The following LMNA variants were observed in gnomAD, a reference collection of about 807,000 sequenced individuals.
LMNA encodes the protein lamin A/C, also known as lamin.
A neutral mutation model predicts 70.4 loss-of-function variants in LMNA; 20 were observed. The observed-to-expected ratio is 0.28, with a 90% CI of 0.20 to 0.41. LMNA has a LOEUF of 0.41. LMNA is among the 10% of genes least tolerant of loss of function. The probability of loss-of-function intolerance (pLI) is 1.00; values close to 1 mark genes in which losing one functional copy is unlikely to be tolerated. For missense variants in LMNA, 652 were observed against 917.2 expected (o/e 0.71, Z 3.73); for synonymous variants, 339 against 372.8 (o/e 0.91, Z 1.04).
chr1:156,116,105 C>G (rs1470470046), intron 1 of LMNA, among the ~76,000 whole-genome samples: 1 of 152,230 alleles, frequency 6.6e-6, no homozygotes, highest in Admixed American at 6.5e-5. Flanking sequence ...TCTGGCCGCA[C>G]TCCTCCCTTG....
Position 156,115,046 on chromosome 1 carries a change from C to T in LMNA, c.128C>T (p.Ala43Val). 6.3e-7 allele frequency: 1 copy of T among 1,595,238 alleles called. No individual in the cohort carries two copies. The highest frequency in any genetic ancestry group is 8.5e-7 in the Non-Finnish European group (1 of 1,170,962). Residue 43 changes from alanine (A) to valine (V), a missense_variant, in exon 1 of 12, where the codon GCG becomes GTG. Ala to Val is a moderately conservative substitution (Grantham distance 64, BLOSUM62 0). Around this residue, in one of 4 missense-constraint regions of LMNA, gnomAD observed 254 missense variants for 421.9 expected, o/e 0.60. Transcript: ENST00000368300. The surrounding 1 kb of genome is among the most constrained non-coding windows in gnomAD (Gnocchi z 5.8). The stretch of plus-strand genomic sequence containing the variant: ...CTGCAGGAGCTCAATGATCGCTTGG[C>T]GGTCTACATCGACCGTGTGCGCTCG... ...EDLQELNDRL[A>V]VYIDRVRSLE...
upstream of LMNA, among the ~76,000 whole-genome samples, chr1:156,114,132 T>G (rs1445861221): frequency 1.3e-5 from 2 of 152,046 alleles, no homozygotes; most frequent in Non-Finnish European, 2.9e-5. Flanking sequence ...GTTCCAGAAC[T>G]TTGCTCCCCC....
chr1:156,099,209 C>A (rs1317154971), intron 3 of LMNA, among the ~76,000 whole-genome samples: 1 of 152,150 alleles, frequency 6.6e-6, no homozygotes, highest in Non-Finnish European at 1.5e-5. Flanking sequence ...CTAGGAGCTA[C>A]TAGCCTTCTA....
chr1:156,088,894 C>T (rs1648585747), intron 2 of LMNA, among the ~76,000 whole-genome samples: 1 of 152,162 alleles, frequency 6.6e-6, no homozygotes, highest in Admixed American at 6.5e-5. Context: ...CCTCATGATC[C>T]ACCTGCCTCA....
At chr1:156,122,645 G>A (rs1452061767) in intron 1 of LMNA, among the ~76,000 whole-genome samples, 1 of 152,244 alleles carries the variant, frequency 6.6e-6, no homozygotes, top group African/African-American at 2.4e-5. Flanking sequence ...CTGTGTCATA[G>A]AGTAGGAACG....
At chr1:156,104,280 G>C (rs1370754260) in intron 3 of LMNA, among the ~76,000 whole-genome samples, 2 of 152,150 alleles carry the variant, frequency 1.3e-5, no homozygotes, top group Non-Finnish European at 2.9e-5. Flanking sequence ...TGTTGGGGAG[G>C]AGCCTGGAAG....
At chr1:156,097,296 T>A (rs558577797) in intron 3 of LMNA, among the ~76,000 whole-genome samples, 1 of 152,128 alleles carries the variant, frequency 6.6e-6, no homozygotes, top group Admixed American at 6.5e-5. Flanking sequence ...GGCTGCAGAG[T>A]GACCTGGTGC....
In LMNA at chr1:156,138,667, C is replaced by T. The variant is rs756144792; in HGVS notation, c.1878C>T (p.Tyr626=). The change falls in exon 11 of 12, where the codon TAC becomes TAT. Residue 626 remains tyrosine (Y), a synonymous_variant. Coordinates refer to ENST00000368300, the MANE Select transcript of LMNA (RefSeq NM_170707.4). The surrounding 1 kb of genome is among the most constrained non-coding windows in gnomAD (Gnocchi z 5.5). ...SASSVTVTRS[Y]RSVGGSGGGS... ...CCAGTGTCACGGTCACTCGCAGCTA[C>T]CGCAGTGTGGGGGGCAGTGGGGGTG... 2 of 1,613,724 alleles carry T rather than the reference C, an allele frequency of 1.2e-6. No individual in the cohort carries two copies. Among genetic ancestry groups the T allele is most frequent in the South Asian group, 2.2e-5 (2 of 91,084 alleles).
chr1:156,084,933 G>A (rs1648423050), intron 2 of LMNA, among the ~76,000 whole-genome samples: 2 of 152,224 alleles, frequency 1.3e-5, no homozygotes, highest in South Asian at 4.1e-4. Context: ...AAACAAGTAT[G>A]TGTCAGTGGG....
chr1:156,102,239 G>A (rs1203821748), intron 3 of LMNA, among the ~76,000 whole-genome samples: 2 of 152,190 alleles, frequency 1.3e-5, no homozygotes, highest in Non-Finnish European at 2.9e-5. Context: ...AGTGAATTCA[G>A]GGGTGTTCCT....
chr1:156,102,606 C>G (rs1649182726), intron 3 of LMNA, among the ~76,000 whole-genome samples: 1 of 152,208 alleles, frequency 6.6e-6, no homozygotes, highest in Admixed American at 6.5e-5. Context: ...TCTGCCCTGG[C>G]CCACCCAGTG....
At chr1:156,089,573 G>A (rs1036971875) in intron 2 of LMNA, among the ~76,000 whole-genome samples, 5 of 148,932 alleles carry the variant, frequency 3.4e-5, no homozygotes, top group African/African-American at 7.4e-5. Flanking sequence ...AGCCTGGGCA[G>A]CAAGAGCCAA....
At chr1:156,131,187 C>T (rs1012902206) in intron 2 of LMNA, among the ~76,000 whole-genome samples, 2 of 152,134 alleles carry the variant, frequency 1.3e-5, no homozygotes, top group Non-Finnish European at 2.9e-5. Context: ...AGGAGAATGG[C>T]GTGAGCCTGC....
rs1293932578 is a variant in LMNA, at chr1:156,115,699, C to T, written c.356+425C>T. ...AAGGGTCCTGTTAGAACTTTGTTAG[C>T]GGGCTTGGCACTGTGCTAGCTTTGC... is the stretch of plus-strand genomic sequence containing the variant. On this transcript the variant is annotated intron_variant, in intron 1 of 11. Transcript: ENST00000368300. The surrounding 1 kb of genome is among the most constrained non-coding windows in gnomAD (Gnocchi z 5.8). Among the ~76,000 whole-genome samples, 2 of 152,196 alleles carry T rather than the reference C, an allele frequency of 1.3e-5. No homozygotes were observed. The highest frequency in any genetic ancestry group is 4.8e-5 in the African/African-American group (2 of 41,450).
At chr1:156,128,982 G>A (rs79200804) in intron 1 of LMNA, among the ~76,000 whole-genome samples, 4,074 of 152,298 alleles carry the variant, frequency 0.027, 174 homozygotes, top group African/African-American at 0.093. Flanking sequence ...CTTCAGCTTC[G>A]GAAAAGTTCT....
chr1:156,126,524 C>G lies in LMNA; in HGVS notation c.357-4093C>G, dbSNP rs1445289549. 4.2e-6 allele frequency: 3 copies of G among 708,252 alleles called. No homozygotes were observed. In the South Asian group the frequency reaches 4.5e-5, roughly 11 times the overall value. 43.9% of individuals were successfully genotyped at this position (708,252 alleles called of 1,614,324 possible). A position where few individuals can be genotyped will look rare whatever the true frequency, so the allele number is the denominator to read the frequency against. ...AGCGCCTGGCCCGGTGCCCACCTAG[C>G]CCCTTTGCTGTGCTGGTGCCTTTCT... On this transcript the variant is annotated intron_variant, in intron 1 of 11. Coordinates refer to ENST00000368300, the MANE Select transcript of LMNA (RefSeq NM_170707.4).
intron 1 of LMNA, among the ~76,000 whole-genome samples, chr1:156,124,320 G>T (rs981998007): frequency 6.6e-6 from 1 of 151,378 alleles, no homozygotes; most frequent in African/African-American, 2.4e-5. Context: ...ATGGAGTCTC[G>T]CTCTGTTGCC....
intron 1 of LMNA, among the ~76,000 whole-genome samples, chr1:156,120,735 ACT>A (rs1437530899): frequency 1.3e-5 from 2 of 150,756 alleles, no homozygotes; most frequent in Non-Finnish European, 3.0e-5. Context: ...ACAAAACAAA[ACT>A]CTGCTGTCCT....
rs374295525 is a variant in LMNA at position 156,133,383 on chromosome 1, C to T, written c.514-1020C>T. Among the ~76,000 whole-genome samples, 11 of 151,586 alleles carry T rather than the reference C, an allele frequency of 7.3e-5. No individual in the cohort carries two copies. The East Asian group carries it at 7.9e-4, about 11-fold the overall frequency. On this transcript the variant is annotated intron_variant, in intron 2 of 11. Transcript: ENST00000368300. ...GTCAGGAGATCGAGACTATCCTGGCCAACATGGTGAAACCCTGTCTCTACT... is the reference window on the plus strand; with the variant it reads ...GTCAGGAGATCGAGACTATCCTGGCTAACATGGTGAAACCCTGTCTCTACT...
Sources: gnomAD v4.1 joint callset for allele counts (sites outside exome capture counted in the v4.1 genomes callset) on GRCh38, gnomAD v4.1.1 for gene constraint, gnomAD v4.1.1 regional missense constraint, Gnocchi (gnomAD v3.1) non-coding constraint, MANE v1.5 for transcripts, NCBI Gene and HGNC (gene_info 2026-07-23, HGNC 2026-07-21) for gene names.